MLH3: variants seen among roughly 807,000 people sequenced by gnomAD.
The protein encoded by MLH3 is DNA mismatch repair protein Mlh3.
MLH3 carries 82 observed loss-of-function variants against 122.2 expected under a neutral mutation model. The ratio of observed to expected loss-of-function variants is 0.67; its 90% confidence interval spans 0.56 to 0.81. The LOEUF (loss-of-function observed/expected upper bound fraction) is 0.81, where lower values mean the gene tolerates loss of function less well. MLH3 is among the 30% of genes least tolerant of loss of function. The probability of loss-of-function intolerance (pLI) is 0.00; values close to 1 mark genes in which losing one functional copy is unlikely to be tolerated. For missense variants in MLH3, 1,539 were observed against 1,714.5 expected (o/e 0.90, Z 1.81); for synonymous variants, 524 against 599.5 (o/e 0.87, Z 1.84).
At chr14:75,037,376 T>G (rs1891492357) in intron 6 of MLH3, among the ~76,000 whole-genome samples, 1 of 152,216 alleles carries the variant, frequency 6.6e-6, no homozygotes, top group African/African-American at 2.4e-5. Context: ...AACTAAAATT[T>G]TATGTTTGTG....
intron 9 of MLH3, among the ~76,000 whole-genome samples, chr14:75,024,194 A>G (rs1448478664): frequency 6.6e-6 from 1 of 152,046 alleles, no homozygotes; most frequent in African/African-American, 2.4e-5. Flanking sequence ...TTATTTATTT[A>G]TTTAGTTAGT....
intron 2 of MLH3, among the ~76,000 whole-genome samples, chr14:75,043,295 C>T (rs1362370721): frequency 6.6e-6 from 1 of 152,188 alleles, no homozygotes; most frequent in Non-Finnish European, 1.5e-5. Context: ...CTCTTATCTC[C>T]AATGTATGTC....
intron 6 of MLH3, among the ~76,000 whole-genome samples, chr14:75,033,950 A>G (rs1891215990): frequency 6.6e-6 from 1 of 152,142 alleles, no homozygotes; most frequent in African/African-American, 2.4e-5. Context: ...ATCCCAGCAC[A>G]CTGGGAGGCT....
chr14:75,025,432 T>A (rs1890567590), intron 9 of MLH3, among the ~76,000 whole-genome samples: 1 of 152,206 alleles, frequency 6.6e-6, no homozygotes, highest in Non-Finnish European at 1.5e-5. Context: ...AAAACTTTCC[T>A]TAGTTTTGGC....
intron 4 of MLH3, among the ~76,000 whole-genome samples, chr14:75,041,287 C>T (rs1383512733): frequency 6.6e-6 from 1 of 152,144 alleles, no homozygotes; most frequent in African/African-American, 2.4e-5. Context: ...TGATGGCTCA[C>T]ACCTGTAATC....
intron 7 of MLH3, among the ~76,000 whole-genome samples, chr14:75,032,843 T>A (rs2139407447): frequency 1.5e-5 from 1 of 67,892 alleles, no homozygotes. Context: ...AAAAAAAACA[T>A]TTAAAAAGCA....
chr14:75,038,260 T>C, intron 6 of MLH3, 80 bp downstream of exon 6: 1 of 975,886 alleles, frequency 1.0e-6, no homozygotes, highest in Non-Finnish European at 1.7e-6. Context: ...TGAAACTATA[T>C]TATATACCAA....
At position 75,015,736 on chromosome 14, in the gene MLH3, G is replaced by A. The variant is rs558839487; in HGVS notation, c.*1346C>T. ...TCTACAAGGATCCCCTTGAAAACAA[G>A]TGAAGGTTTTCTCTGAACCTTCTCT... is the stretch of plus-strand genomic sequence containing the variant. On this transcript the variant is annotated 3_prime_UTR_variant, in exon 13 of 13. Coordinates refer to ENST00000355774, the MANE Select transcript of MLH3 (RefSeq NM_001040108.2). The A allele has an allele frequency of 5.1e-6, 1 of 194,512 alleles. No homozygotes were observed. Among genetic ancestry groups the A allele is most frequent in the East Asian group, 6.6e-5 (1 of 15,152 alleles). The allele number at this position is 194,512 out of a possible 1,614,324, so 12.0% of individuals were successfully genotyped here. A position where few individuals can be genotyped will look rare whatever the true frequency, so the allele number is the denominator to read the frequency against.
Position 75,018,937 on chromosome 14 carries a change from G to T in MLH3, c.4134C>A (p.Cys1378Ter). ...FNDGLSLQES[C>*]RLIEALSSCQ... The stretch of plus-strand genomic sequence containing the variant: ...ATGAGGACAGAGCTTCAATAAGGCG[G>T]CAACTTTCCTGTAAGCTCAGGCCAT... The change falls in exon 12 of 13, where the codon TGC becomes TGA. Residue 1378 changes from cysteine (C) to a stop codon, truncating the protein, a stop_gained. Coordinates refer to ENST00000355774, the MANE Select transcript of MLH3 (RefSeq NM_001040108.2). LOFTEE classifies it high-confidence loss of function. The T allele has an allele frequency of 6.2e-7, 1 of 1,614,142 alleles. No individual in the cohort carries two copies. The highest frequency in any genetic ancestry group is 8.5e-7 in the Non-Finnish European group (1 of 1,180,010).
chr14:75,032,443 A>G (rs1219932451), intron 7 of MLH3, among the ~76,000 whole-genome samples: 13 of 152,212 alleles, frequency 8.5e-5, no homozygotes, highest in Admixed American at 8.5e-4. Flanking sequence ...TAGTTAATAA[A>G]TGTTGTTTTG....
In MLH3 at chr14:75,049,312, C is replaced by G; in HGVS notation, c.344G>C (p.Arg115Thr). The G allele has an allele frequency of 6.2e-7, 1 of 1,614,172 alleles. No homozygotes were observed. Among genetic ancestry groups the G allele is most frequent in the East Asian group, 2.2e-5 (1 of 44,896 alleles). ...SAVEISSKKNRTMKTFVKLFQ... is the reference protein window; with the variant it reads ...SAVEISSKKNTTMKTFVKLFQ... ...CAGTTTCACAAAAGTTTTCATTGTC[C>G]TGTTTTTCTTGGACGAAATTTCCAC... Residue 115 changes from arginine to threonine, a missense_variant, in exon 2 of 13, where the codon AGG becomes ACG. Arg to Thr is a moderately conservative substitution (Grantham distance 71, BLOSUM62 -1). Transcript: ENST00000355774.
intron 2 of MLH3, among the ~76,000 whole-genome samples, chr14:75,044,433 T>G (rs1490803031): frequency 6.6e-6 from 1 of 152,226 alleles, no homozygotes; most frequent in Non-Finnish European, 1.5e-5. Context: ...CACAGTATAA[T>G]GTAATCCAGT....
intron 9 of MLH3, among the ~76,000 whole-genome samples, chr14:75,025,481 C>G (rs569123380): frequency 2.6e-5 from 4 of 152,290 alleles, no homozygotes; most frequent in Admixed American, 2.6e-4. Context: ...CCCTCTCTAA[C>G]CAAGTATTTT....
chr14:75,030,775 T>C (rs985420486), intron 8 of MLH3, 73 bp from the exon 9 acceptor site: 35 of 1,290,990 alleles, frequency 2.7e-5, no homozygotes, highest in Middle Eastern at 2.0e-4. Context: ...TGGTTCCAAA[T>C]ACTACTTAAT....
At chr14:75,032,602 G>C (rs1891123773) in intron 7 of MLH3, among the ~76,000 whole-genome samples, 1 of 152,076 alleles carries the variant, frequency 6.6e-6, no homozygotes, top group African/African-American at 2.4e-5. Flanking sequence ...AGGGCCTGTA[G>C]AGGTAAGTTT....
At chr14:75,025,843 G>C (rs1463802635) in intron 9 of MLH3, among the ~76,000 whole-genome samples, 1 of 152,114 alleles carries the variant, frequency 6.6e-6, no homozygotes, top group East Asian at 1.9e-4. Flanking sequence ...CTCCTCATCT[G>C]TGTCCCTTCT....
chr14:75,039,752 T>C (rs1891677415), intron 5 of MLH3, among the ~76,000 whole-genome samples, 159 bp downstream of exon 5: 1 of 39,880 alleles, frequency 2.5e-5, no homozygotes, highest in African/African-American at 8.6e-5. Context: ...ATAAAAGTTC[T>C]AGTAAGAACA....
Position 75,017,183 on chromosome 14 carries a change from T to C in MLH3, c.4261A>G (p.Lys1421Glu), listed in dbSNP as rs777485133. ...QEKQIKPNLTKLRKMAQAWRL... is the reference protein window; with the variant it reads ...QEKQIKPNLTELRKMAQAWRL... ...CAGGCCTGGGCCATTTTGCGAAGTT[T>C]AGTGAGGTTGGGTTTAATCTATGGG... is the stretch of plus-strand genomic sequence containing the variant. The change falls in exon 13 of 13, where the codon AAA (lysine) becomes GAA (glutamate). Residue 1421 changes from lysine (K) to glutamate (E), a missense_variant. Lys to Glu is a moderately conservative substitution (Grantham distance 56). Coordinates refer to ENST00000355774, the MANE Select transcript of MLH3 (RefSeq NM_001040108.2). 1.2e-6 allele frequency: 2 copies of C among 1,611,724 alleles called. No homozygotes were observed. Among genetic ancestry groups the C allele is most frequent in the Admixed American group, 3.3e-5 (2 of 59,920 alleles).
Position 75,044,369 on chromosome 14 carries a change from T to G in MLH3, c.3281-1892A>C, listed in dbSNP as rs549991227. On this transcript the variant is annotated intron_variant, in intron 2 of 12. Transcript: ENST00000355774. ...GTCTATATTCAAAAGGAAGAAATAT[T>G]TACGTTGAATATGGCAGCTAAGATT... Among the ~76,000 whole-genome samples, 19 of 152,342 alleles carry G rather than the reference T, an allele frequency of 1.2e-4. No individual in the cohort carries two copies. In the South Asian group the frequency reaches 3.5e-3, roughly 28 times the overall value.
Sources: gnomAD v4.1 joint callset for allele counts (sites outside exome capture counted in the v4.1 genomes callset) on GRCh38, gnomAD v4.1.1 for gene constraint, MANE v1.5 for transcripts, NCBI Gene and HGNC (gene_info 2026-07-23, HGNC 2026-07-21) for gene names.